The following STK31 variants were observed in gnomAD, a reference collection of about 807,000 sequenced individuals.
STK31 encodes serine/threonine-protein kinase 31.
Under a neutral mutation model 129.7 loss-of-function variants are expected in STK31, and 89 were observed. The observed-to-expected ratio is 0.69, with a 90% CI of 0.58 to 0.82. The LOEUF is 0.82. Ranked by LOEUF, STK31 falls within the 40% of genes least tolerant of loss-of-function variation. The pLI is 0.00. For synonymous variants in STK31, 448 were observed against 395.3 expected, an observed-to-expected ratio of 1.13 and a Z score of -1.58; for missense variants, 1,187 against 1,176.4, an observed-to-expected ratio of 1.01 and a Z score of -0.13.
At chr7:23,778,909 A>G (rs1790730171) in intron 15 of STK31, among the ~76,000 whole-genome samples, 1 of 151,976 alleles carries the variant, frequency 6.6e-6, no homozygotes, top group South Asian at 2.1e-4. Flanking sequence ...GGAGGAGAAA[A>G]GATGTTCTGG....
rs550831156 is a variant in STK31, at chr7:23,758,390, T to C, written c.1293+3916T>C. ...TCTTAGTCTAGCTAGTGGTCTGTTT[T>C]GTTACTTTTTTTAAAAAACAGACCC... On this transcript the variant is annotated intron_variant, in intron 10 of 23. Coordinates refer to ENST00000355870, the MANE Select transcript of STK31 (RefSeq NM_031414.5). 2.6e-5 allele frequency among the ~76,000 whole-genome samples: 4 copies of C among 152,300 alleles called. No homozygotes were observed. In the Middle Eastern group the frequency reaches 0.01, roughly 389 times the overall value.
intron 23 of STK31, among the ~76,000 whole-genome samples, 154 bp from the exon 24 acceptor site, chr7:23,831,982 T>A (rs2128135324): frequency 6.6e-6 from 1 of 152,132 alleles, no homozygotes. Context: ...ATTTTGGTGT[T>A]TTTTTTTGTT....
chr7:23,806,747 A>G (rs933221700), intron 22 of STK31, among the ~76,000 whole-genome samples: 41 of 152,136 alleles, frequency 2.7e-4, no homozygotes, highest in African/African-American at 9.2e-4. Context: ...AAAAGTACAA[A>G]AAATCAGCCG....
chr7:23,726,698 T>C (rs1045785569), intron 4 of STK31, among the ~76,000 whole-genome samples: 2 of 152,098 alleles, frequency 1.3e-5, no homozygotes, highest in Non-Finnish European at 2.9e-5. Flanking sequence ...TCAATTGAGA[T>C]ATAAAATAAA....
intron 17 of STK31, among the ~76,000 whole-genome samples, chr7:23,785,179 G>GT (rs1791191722): frequency 6.6e-6 from 1 of 152,198 alleles, no homozygotes; most frequent in Admixed American, 6.5e-5. Context: ...AACATAAGTG[G>GT]TTTTTCAAGT....
chr7:23,722,072 T>A (rs1786740318), intron 4 of STK31: 1 of 158,926 alleles, frequency 6.3e-6, no homozygotes, highest in African/African-American at 2.4e-5. Context: ...GAAGCCTTCT[T>A]CTCTCAACTC....
chr7:23,754,725 C>T (rs1398591752), intron 10 of STK31, among the ~76,000 whole-genome samples: 2 of 152,146 alleles, frequency 1.3e-5, no homozygotes, highest in Non-Finnish European at 2.9e-5. Context: ...GTTCAACTCC[C>T]ACTTACGAGT....
rs147857108 is a variant in STK31 at position 23,757,020 on chromosome 7, G to A, written c.1293+2546G>A. The stretch of plus-strand genomic sequence containing the variant: ...CTGGCTTCATAAAATGAGTTAGGGA[G>A]GAGTCCGTCCTTTTCAGTTGTTGGG... On this transcript the variant is annotated intron_variant, in intron 10 of 23. Coordinates refer to ENST00000355870, the MANE Select transcript of STK31 (RefSeq NM_031414.5). 5.8e-3 allele frequency among the ~76,000 whole-genome samples: 882 copies of A among 152,252 alleles called. 6 individuals carry two copies. The highest frequency in any genetic ancestry group is 0.02 in the African/African-American group (843 of 41,526).
intron 15 of STK31, among the ~76,000 whole-genome samples, chr7:23,774,870 G>A (rs931815672): frequency 1.3e-5 from 2 of 152,138 alleles, no homozygotes; most frequent in Non-Finnish European, 2.9e-5. Flanking sequence ...GTCCTGAATG[G>A]TATTGCCTAG....
chr7:23,810,701 G>GATATA lies in STK31; in HGVS notation c.2761-4442_2761-4438dup, dbSNP rs1554297472. 6.2e-3 allele frequency among the ~76,000 whole-genome samples: 453 copies of GATATA among 72,646 alleles called. 10 individuals are homozygous for GATATA. Among genetic ancestry groups the GATATA allele is most frequent in the African/African-American group, 0.03 (418 of 14,072 alleles). 47.7% of individuals were successfully genotyped at this position (72,646 alleles called of 152,430 possible). The stretch of plus-strand genomic sequence containing the variant: ...TAAAATAGATATTATATATAAAATA[G>GATATA]ATATATATAAAATAGATATATATAA... On this transcript the variant is annotated intron_variant, in intron 22 of 23. Transcript: ENST00000355870.
intron 22 of STK31, among the ~76,000 whole-genome samples, chr7:23,810,961 A>ACACC (rs1793097400): frequency 1.4e-5 from 2 of 147,044 alleles, no homozygotes; most frequent in Admixed American, 1.4e-4. Context: ...ACACACACAC[A>ACACC]CCTACATGAT....
intron 20 of STK31, among the ~76,000 whole-genome samples, chr7:23,787,525 C>G (rs1432693216): frequency 1.3e-5 from 2 of 151,966 alleles, no homozygotes; most frequent in African/African-American, 4.8e-5. Flanking sequence ...TGCCTGAGCT[C>G]CACTTCCTGT....
At chr7:23,756,729 C>A (rs116037070) in intron 10 of STK31, among the ~76,000 whole-genome samples, 1,732 of 152,304 alleles carry the variant, frequency 0.011, 32 homozygotes, top group African/African-American at 0.04. Flanking sequence ...GAAGCCCTTT[C>A]TGCATCTATT....
intron 10 of STK31, among the ~76,000 whole-genome samples, chr7:23,760,240 G>C (rs987675616): frequency 6.6e-6 from 1 of 152,074 alleles, no homozygotes; most frequent in Non-Finnish European, 1.5e-5. Flanking sequence ...GTTGTGTTTG[G>C]ACTTGTTCCA....
chr7:23,827,110 A>G (rs1173759820), intron 23 of STK31, among the ~76,000 whole-genome samples: 1 of 152,172 alleles, frequency 6.6e-6, no homozygotes, highest in South Asian at 2.1e-4. Flanking sequence ...TCTTTGTGGC[A>G]TTCTCTGTAT....
At chr7:23,791,054 T>C in intron 22 of STK31, 108 bp downstream of exon 22, 2 of 1,094,328 alleles carry the variant, frequency 1.8e-6, no homozygotes, top group East Asian at 3.2e-5. Context: ...AGACTTTTAG[T>C]AGAACTTTAA....
intron 10 of STK31, among the ~76,000 whole-genome samples, chr7:23,758,826 A>G (rs1716611855): frequency 6.6e-6 from 1 of 152,188 alleles, no homozygotes; most frequent in Admixed American, 6.5e-5. Context: ...CAAATGCCCC[A>G]ATTAAAAGAC....
Position 23,784,640 on chromosome 7 carries a change from T to C in STK31, c.2149-838T>C, listed in dbSNP as rs961288664. Reference sequence around the variant, plus strand: ...GTAATGTATGCTTAGGAATTTTTTGTAGGTTGATTATGTATTGTAGAATAC... The same window carrying C: ...GTAATGTATGCTTAGGAATTTTTTGCAGGTTGATTATGTATTGTAGAATAC... On this transcript the variant is annotated intron_variant, in intron 17 of 23. Transcript: ENST00000355870. Among the ~76,000 whole-genome samples, 5 of 152,140 alleles carry C rather than the reference T, an allele frequency of 3.3e-5. 1 individual carries two copies. Among genetic ancestry groups the C allele is most frequent in the African/African-American group, 4.8e-5 (2 of 41,436 alleles).
intron 8 of STK31, among the ~76,000 whole-genome samples, chr7:23,752,091 C>T (rs1282496077): frequency 6.6e-6 from 1 of 151,874 alleles, no homozygotes; most frequent in African/African-American, 2.4e-5. Context: ...CCTAATGCAA[C>T]AGAACTATAC....
Sources: allele counts gnomAD v4.1 joint callset (sites outside exome capture counted in the v4.1 genomes callset), GRCh38; gene constraint gnomAD v4.1.1; transcripts MANE v1.5; gene names NCBI Gene and HGNC (gene_info 2026-07-23, HGNC 2026-07-21).